The following DRC2 variants were observed in gnomAD, a reference collection of about 807,000 sequenced individuals.
DRC2 encodes coiled-coil domain containing 65.
At chr12:48,905,147 G>C in the DRC2 span, 2 of 1,551,176 alleles carry the variant, frequency 1.3e-6, no homozygotes, top group Middle Eastern at 1.7e-4. Flanking sequence ...CTTGAGTATG[G>C]CTTCCTGACC....
the DRC2 span, among the ~76,000 whole-genome samples, chr12:48,906,545 A>C: frequency 6.6e-6 from 1 of 151,614 alleles, no homozygotes; most frequent in East Asian, 2.0e-4. Flanking sequence ...CAGTCTCCCA[A>C]AGTGCTGGGA....
the DRC2 span, chr12:48,918,531 GCTT>G: frequency 1.9e-6 from 3 of 1,563,676 alleles, no homozygotes; most frequent in South Asian, 3.4e-5. Flanking sequence ...CCCCTCTTTT[GCTT>G]CCCCTTGTTT....
chr12:48,919,912 A>G, the DRC2 span, among the ~76,000 whole-genome samples: 2 of 150,010 alleles, frequency 1.3e-5, no homozygotes, highest in Non-Finnish European at 3.0e-5. Context: ...CTTGAGCCCA[A>G]GAGTTTGAGA....
the DRC2 span, among the ~76,000 whole-genome samples, chr12:48,908,972 T>C: frequency 1.3e-5 from 2 of 150,712 alleles, no homozygotes; most frequent in Admixed American, 6.6e-5. Flanking sequence ...CAGGAAAAAA[T>C]CCAGACTCCA....
chr12:48,904,376 G>T, the DRC2 span: 46 of 1,614,026 alleles, frequency 2.9e-5, 1 homozygote, highest in South Asian at 4.9e-4. Flanking sequence ...GCCCCTGTCC[G>T]ATGAGAAGCA....
the DRC2 span, among the ~76,000 whole-genome samples, chr12:48,915,257 G>T: frequency 2.4e-3 from 355 of 150,378 alleles, 2 homozygotes; most frequent in African/African-American, 8.4e-3. Context: ...AGGACCCTGC[G>T]GCCTTCCACA....
the DRC2 span, among the ~76,000 whole-genome samples, chr12:48,910,596 A>G: frequency 2.6e-5 from 4 of 152,178 alleles, no homozygotes; most frequent in African/African-American, 9.6e-5. Flanking sequence ...TCAAAAGAAA[A>G]AAAGGTTATA....
the DRC2 span, among the ~76,000 whole-genome samples, chr12:48,906,586 T>C: frequency 6.6e-6 from 1 of 151,610 alleles, no homozygotes; most frequent in East Asian, 2.0e-4. Context: ...GCCCAGCCAC[T>C]GAGGAGTTTC....
chr12:48,918,259 TG>T, the DRC2 span: 1 of 1,612,792 alleles, frequency 6.2e-7, no homozygotes, highest in East Asian at 2.2e-5. Flanking sequence ...TTTGCTATTT[TG>T]GGGTCACTTG....
chr12:48,914,319 A>C, the DRC2 span: 5 of 1,384,564 alleles, frequency 3.6e-6, no homozygotes, highest in Non-Finnish European at 3.9e-6. Flanking sequence ...TTAGGAACAA[A>C]GAAAAAACTG....
At chr12:48,911,425 A>G in the DRC2 span, among the ~76,000 whole-genome samples, 1 of 151,642 alleles carries the variant, frequency 6.6e-6, no homozygotes, top group Non-Finnish European at 1.5e-5. Context: ...GGGCATGGTG[A>G]TGTGTGCCTG....
the DRC2 span, among the ~76,000 whole-genome samples, chr12:48,913,925 CTTTTT>C: frequency 7.3e-5 from 7 of 95,980 alleles, no homozygotes; most frequent in South Asian, 3.6e-4. Context: ...CGTGCCCAGT[CTTTTT>C]TTTTTTTTTT....
chr12:48,911,577 T>C, the DRC2 span, among the ~76,000 whole-genome samples: 23 of 149,532 alleles, frequency 1.5e-4, no homozygotes, highest in African/African-American at 5.7e-4. Context: ...GAAATAGAAA[T>C]AGAGATGGGG....
At chr12:48,911,214 C>T in the DRC2 span, among the ~76,000 whole-genome samples, 1 of 152,088 alleles carries the variant, frequency 6.6e-6, no homozygotes. Flanking sequence ...TCCATTAAAT[C>T]ATTGGGAGAT....
the DRC2 span, among the ~76,000 whole-genome samples, chr12:48,916,153 C>T: frequency 9.1e-5 from 13 of 142,666 alleles, no homozygotes; most frequent in African/African-American, 3.1e-4. Flanking sequence ...ACATCCCAGA[C>T]GATGGGCGGC....
chr12:48,913,239 T>A, the DRC2 span, among the ~76,000 whole-genome samples: 3 of 152,046 alleles, frequency 2.0e-5, no homozygotes, highest in Non-Finnish European at 4.4e-5. Flanking sequence ...CAGTGGTAGC[T>A]ACATCACTGC....
the DRC2 span, chr12:48,920,976 C>T: frequency 6.2e-7 from 1 of 1,613,528 alleles, no homozygotes; most frequent in Non-Finnish European, 8.5e-7. Flanking sequence ...AAATTTGAAA[C>T]CGAAGAAGAA....
the DRC2 span, among the ~76,000 whole-genome samples, chr12:48,906,616 A>T: frequency 6.6e-6 from 1 of 151,028 alleles, no homozygotes; most frequent in Admixed American, 6.6e-5. Context: ...ACCAGGCTGG[A>T]GTACAGTGGC....
the DRC2 span, chr12:48,904,359 C>G: frequency 6.2e-7 from 1 of 1,613,662 alleles, no homozygotes; most frequent in Non-Finnish European, 8.5e-7. Flanking sequence ...GAAAAAATGG[C>G]CAAGACGCCC....
Sources: allele counts gnomAD v4.1 joint callset (sites outside exome capture counted in the v4.1 genomes callset), GRCh38; gene constraint gnomAD v4.1.1; transcripts MANE v1.5; gene names NCBI Gene and HGNC (gene_info 2026-07-23, HGNC 2026-07-21).